The following MYLK variants were observed in gnomAD, a reference collection of about 807,000 sequenced individuals.
MYLK encodes the protein myosin light chain kinase.
A neutral mutation model predicts 203.4 loss-of-function variants in MYLK; 106 were observed. That is an observed-to-expected ratio of 0.52 (90% CI 0.45 to 0.61). The LOEUF (loss-of-function observed/expected upper bound fraction) is 0.61. Ranked by LOEUF, MYLK falls within the 20% of genes least tolerant of loss-of-function variation. MYLK has a pLI of 0.00. For synonymous variants in MYLK, 867 were observed against 959.5 expected, an observed-to-expected ratio of 0.90 and a Z score of 1.78; for missense variants, 2,072 against 2,442.3, an observed-to-expected ratio of 0.85 and a Z score of 3.20.
intron 3 of MYLK, among the ~76,000 whole-genome samples, chr3:123,801,863 A>G (rs910597906): frequency 3.3e-5 from 5 of 152,094 alleles, no homozygotes; most frequent in Admixed American, 3.3e-4. Context: ...TGTCTTTGCT[A>G]TTGGGAATAG....
intron 3 of MYLK, among the ~76,000 whole-genome samples, chr3:123,815,844 CTTTG>C (rs1465915700): frequency 7.9e-5 from 12 of 152,180 alleles, no homozygotes; most frequent in Non-Finnish European, 1.6e-4. Flanking sequence ...ATGTAAATGG[CTTTG>C]TTTAATTAGA....
intron 9 of MYLK, chr3:123,735,144 G>C (rs76231879): frequency 5.7e-6 from 3 of 526,982 alleles, no homozygotes; most frequent in Non-Finnish European, 1.1e-5. Flanking sequence ...AACCAGAGAA[G>C]AGACTGTGTA....
chr3:123,861,157 A>AAAAAAAC (rs1560298465), intron 2 of MYLK, among the ~76,000 whole-genome samples: 6 of 151,708 alleles, frequency 4.0e-5, no homozygotes, highest in African/African-American at 1.5e-4. Context: ...CAAAAAAAAA[A>AAAAAAAC]AACTGATTGG....
intron 18 of MYLK, among the ~76,000 whole-genome samples, chr3:123,699,163 C>T (rs764218548): frequency 2.0e-4 from 30 of 151,856 alleles, no homozygotes; most frequent in Non-Finnish European, 2.5e-4. Context: ...GGAGGTCGGC[C>T]GGCCTCAGAG....
In MYLK at chr3:123,708,693, C is replaced by G. The variant is rs758546370; in HGVS notation, c.2140+5G>C. 2 of 1,614,020 alleles carry G rather than the reference C, an allele frequency of 1.2e-6. No homozygotes were observed. The highest frequency in any genetic ancestry group is 1.7e-6 in the Non-Finnish European group (2 of 1,180,014). On this transcript the variant is annotated splice_donor_5th_base_variant and intron_variant, in intron 15 of 33. Coordinates refer to ENST00000360304, the MANE Select transcript of MYLK (RefSeq NM_053025.4). ...TCCCACTCGCTCTGAGTGGGTCAGC[C>G]TCACCTTGTACCGTGAGCACGGCCT...
chr3:123,856,521 T>C (rs535922164), intron 2 of MYLK, among the ~76,000 whole-genome samples: 4 of 152,358 alleles, frequency 2.6e-5, no homozygotes, highest in African/African-American at 9.6e-5. Flanking sequence ...CTCTTAATAA[T>C]AACAGCCTTT....
At position 123,853,512 on chromosome 3, in the gene MYLK, C is replaced by G. The variant is rs112712326; in HGVS notation, c.-126-21842G>C. On this transcript the variant is annotated intron_variant, in intron 2 of 33. Transcript: ENST00000360304. ...AGGGGAATTTTGATTTGTTACAGACCAGTAACTGCTATGTGCCTTTTGTTT... is the reference window on the plus strand; with the variant it reads ...AGGGGAATTTTGATTTGTTACAGACGAGTAACTGCTATGTGCCTTTTGTTT... Among the ~76,000 whole-genome samples the G allele has an allele frequency of 2.9e-3, 435 of 152,256 alleles. 1 individual carries two copies. The highest frequency in any genetic ancestry group is 0.01 in the African/African-American group (419 of 41,550).
chr3:123,862,941 T>G (rs534697280), intron 2 of MYLK, among the ~76,000 whole-genome samples: 57 of 152,286 alleles, frequency 3.7e-4, no homozygotes, highest in African/African-American at 1.3e-3. Context: ...GGCTTTACAC[T>G]GAGCTGCCTG....
chr3:123,621,298 C>CT (rs919639846), intron 31 of MYLK: 5 of 152,198 alleles, frequency 3.3e-5, no homozygotes, highest in Admixed American at 3.3e-4. Context: ...ACAACCAAGT[C>CT]TTTCCACCCC....
intron 20 of MYLK, among the ~76,000 whole-genome samples, chr3:123,668,071 T>C (rs1269235329): frequency 1.3e-5 from 2 of 152,222 alleles, no homozygotes; most frequent in Non-Finnish European, 2.9e-5. Context: ...AGAACAGTCA[T>C]GCAGCACAAA....
At chr3:123,695,656 T>A (rs1325762792) in intron 18 of MYLK, among the ~76,000 whole-genome samples, 1 of 152,212 alleles carries the variant, frequency 6.6e-6, no homozygotes, top group East Asian at 1.9e-4. Flanking sequence ...AAATCCATTT[T>A]TCGTAGGATG....
At position 123,658,219 on chromosome 3, in the gene MYLK, A is replaced by T. The variant is rs535332053; in HGVS notation, c.3986-791T>A. ...GGCTGTTGAGATATAAATAATTTCA[A>T]AAGCAAACCACAATAGCAAATCACA... is the stretch of plus-strand genomic sequence containing the variant. On this transcript the variant is annotated intron_variant, in intron 23 of 33. Transcript: ENST00000360304. 2.0e-5 allele frequency among the ~76,000 whole-genome samples: 3 copies of T among 152,366 alleles called. No homozygotes were observed. In the South Asian group the frequency reaches 6.2e-4, roughly 32 times the overall value.
intron 13 of MYLK, among the ~76,000 whole-genome samples, chr3:123,721,144 C>T (rs1388909467): frequency 6.6e-6 from 1 of 152,224 alleles, no homozygotes; most frequent in Non-Finnish European, 1.5e-5. Context: ...ACAAATGTTT[C>T]TTCCCCTTTC....
rs748575040 is a variant in MYLK, at chr3:123,701,442, G to A, written c.2458C>T (p.Pro820Ser). 3.7e-6 allele frequency: 6 copies of A among 1,614,082 alleles called. No individual in the cohort carries two copies. Among genetic ancestry groups the A allele is most frequent in the Non-Finnish European group, 5.1e-6 (6 of 1,180,010 alleles). The stretch of plus-strand genomic sequence containing the variant: ...GCAGCTCCTGGGGGCACTCACCGTG[G>A]AAGGGCTCTGGCAGAGCTGTTCTGT... ...MLQNSSARAL[P>S]RGREPASCED... The change falls in exon 17 of 34, where the codon CCA becomes TCA. Residue 820 changes from proline to serine, a missense_variant. Around this residue, in one of 3 missense-constraint regions of MYLK, gnomAD observed 865 missense variants for 1,016.0 expected, o/e 0.85. Transcript: ENST00000360304.
intron 4 of MYLK, among the ~76,000 whole-genome samples, chr3:123,760,196 G>A (rs1050020718): frequency 1.3e-5 from 2 of 151,954 alleles, no homozygotes; most frequent in African/African-American, 4.8e-5. Context: ...ATGTATTTAT[G>A]AGACAGAGTC....
Position 123,732,975 on chromosome 3 carries a change from G to C in MYLK, c.1437C>G (p.Thr479=), listed in dbSNP as rs765732379. ...SHYLCLLKAR[T]RDSGTYSCTA... Reference sequence around the variant, plus strand: ...TGCAGCTGTATGTCCCACTGTCCCTGGTCCGGGCTTTCAGCAGGCAGAGGT... The same window carrying C: ...TGCAGCTGTATGTCCCACTGTCCCTCGTCCGGGCTTTCAGCAGGCAGAGGT... The change falls in exon 11 of 34, where the codon ACC becomes ACG. Residue 479 remains threonine (T), a synonymous_variant. Coordinates refer to ENST00000360304, the MANE Select transcript of MYLK (RefSeq NM_053025.4). 4 of 1,614,100 alleles carry C rather than the reference G, an allele frequency of 2.5e-6. No homozygotes were observed. The African/African-American group carries it at 4.0e-5, about 16-fold the overall frequency.
intron 27 of MYLK, among the ~76,000 whole-genome samples, chr3:123,641,554 A>T (rs1293761945): frequency 4.0e-5 from 6 of 151,634 alleles, no homozygotes; most frequent in Admixed American, 6.6e-5. Flanking sequence ...GAAAGAAAGG[A>T]AAGGAAGGAG....
chr3:123,801,736 T>A (rs1001959677), intron 3 of MYLK, among the ~76,000 whole-genome samples: 7 of 152,242 alleles, frequency 4.6e-5, no homozygotes, highest in African/African-American at 1.4e-4. Flanking sequence ...GCTATACCCA[T>A]GTTGCTGCAA....
At chr3:123,833,760 T>G (rs2066405868) in intron 2 of MYLK, among the ~76,000 whole-genome samples, 1 of 152,190 alleles carries the variant, frequency 6.6e-6, no homozygotes, top group Non-Finnish European at 1.5e-5. Context: ...TTTTCTAAGC[T>G]AATTTTTCAA....
Sources: gnomAD v4.1 joint callset for allele counts (sites outside exome capture counted in the v4.1 genomes callset) on GRCh38, gnomAD v4.1.1 for gene constraint, gnomAD v4.1.1 regional missense constraint, MANE v1.5 for transcripts, NCBI Gene and HGNC (gene_info 2026-07-23, HGNC 2026-07-21) for gene names.